Variants in TMEM167A observed in about 807,000 individuals in gnomAD.
TMEM167A encodes the protein protein kish-A.
A neutral mutation model predicts 11.6 loss-of-function variants in TMEM167A; 8 were observed. The ratio of observed to expected loss-of-function variants is 0.69; its 90% CI spans 0.40 to 1.24. The LOEUF (loss-of-function observed/expected upper bound fraction) is 1.24, where lower values mean the gene tolerates loss of function less well. Among genes scored for constraint, TMEM167A ranks in the 50% most tolerant of loss-of-function variants. TMEM167A has a pLI of 0.01. For missense variants in TMEM167A, 62 were observed against 87.0 expected, an observed-to-expected ratio of 0.71 and a Z score of 1.14; for synonymous variants, 22 against 28.0, an observed-to-expected ratio of 0.79 and a Z score of 0.67.
intron 3 of TMEM167A, among the ~76,000 whole-genome samples, chr5:83,060,171 A>G (rs1395538773): frequency 1.4e-5 from 2 of 138,390 alleles, no homozygotes; most frequent in Non-Finnish European, 3.2e-5. Flanking sequence ...AATAAAACAC[A>G]ATACTCTAAA....
chr5:83,058,323 C>CA (rs1333222899), intron 3 of TMEM167A, among the ~76,000 whole-genome samples: 7 of 151,864 alleles, frequency 4.6e-5, no homozygotes, highest in Non-Finnish European at 7.4e-5. Flanking sequence ...TATACACATA[C>CA]AAAAAAATAA....
intron 1 of TMEM167A, among the ~76,000 whole-genome samples, chr5:83,070,437 T>C (rs1030514418): frequency 6.6e-6 from 1 of 152,212 alleles, no homozygotes; most frequent in African/African-American, 2.4e-5. Context: ...TTGAAACAAC[T>C]AGTGTTATTG....
chr5:83,067,126 T>C (rs1744494616), intron 1 of TMEM167A, among the ~76,000 whole-genome samples: 1 of 152,166 alleles, frequency 6.6e-6, no homozygotes. Context: ...AAGGCAACAT[T>C]GTAAAGACAA....
chr5:83,052,891 C>G lies in TMEM167A; in HGVS notation c.*4193G>C, dbSNP rs1234276963. The stretch of plus-strand genomic sequence containing the variant: ...TTATTACACACTAGACATATATGAA[C>G]TAATCAGAGATGTGCATGATTCTCT... On this transcript the variant is annotated 3_prime_UTR_variant, in exon 4 of 4. Coordinates refer to ENST00000502346, the MANE Select transcript of TMEM167A (RefSeq NM_174909.5). 2.0e-5 allele frequency: 3 copies of G among 151,876 alleles called. No homozygotes were observed. The highest frequency in any genetic ancestry group is 4.8e-5 in the African/African-American group (2 of 41,378). 9.4% of individuals were successfully genotyped at this position (151,876 alleles called of 1,614,324 possible).
intron 2 of TMEM167A, among the ~76,000 whole-genome samples, chr5:83,063,728 G>A (rs1171996513): frequency 6.6e-6 from 1 of 151,696 alleles, no homozygotes; most frequent in Non-Finnish European, 1.5e-5. Context: ...CACGAACCCT[G>A]TTAGTTGATT....
At chr5:83,072,190 T>C (rs536675928) in intron 1 of TMEM167A, among the ~76,000 whole-genome samples, 22 of 152,204 alleles carry the variant, frequency 1.4e-4, no homozygotes, top group Admixed American at 9.8e-4. Context: ...CTATTTTATA[T>C]AAACCTCAGA....
chr5:83,063,234 GA>G (rs1307553656), intron 2 of TMEM167A, among the ~76,000 whole-genome samples: 1 of 152,082 alleles, frequency 6.6e-6, no homozygotes, highest in East Asian at 1.9e-4. Context: ...GCGTAACTGT[GA>G]GCAAGGTATT....
intron 2 of TMEM167A, among the ~76,000 whole-genome samples, chr5:83,063,400 G>A (rs757139189): frequency 2.0e-5 from 3 of 151,998 alleles, no homozygotes; most frequent in Non-Finnish European, 4.4e-5. Context: ...CTTAAAATTG[G>A]CTAACATTTC....
chr5:83,064,521 C>T (rs546515622), intron 2 of TMEM167A, among the ~76,000 whole-genome samples: 73 of 152,220 alleles, frequency 4.8e-4, no homozygotes, highest in Non-Finnish European at 8.7e-4. Flanking sequence ...TGCTTTAATT[C>T]TAAGTTTACA....
chr5:83,053,254 AGCG>A lies in TMEM167A; in HGVS notation c.*3827_*3829del, dbSNP rs1168657437. 4 of 151,992 alleles carry A rather than the reference AGCG, an allele frequency of 2.6e-5. No homozygotes were observed. The highest frequency in any genetic ancestry group is 1.3e-4 in the Admixed American group (2 of 15,208). The allele number at this position is 151,992 out of a possible 1,614,324, so 9.4% of individuals were successfully genotyped here. On this transcript the variant is annotated 3_prime_UTR_variant, in exon 4 of 4. Coordinates refer to ENST00000502346, the MANE Select transcript of TMEM167A (RefSeq NM_174909.5). ...GTAACTTCTCAAAGGCTTTGCAAAA[AGCG>A]TAAGTCCTTGCTTTTTGAGAATTTT...
rs1463183598 is a variant in TMEM167A at position 83,054,856 on chromosome 5, G to T, written c.*2228C>A. 6.6e-6 allele frequency: 1 copy of T among 151,838 alleles called. No homozygotes were observed. The highest frequency in any genetic ancestry group is 1.5e-5 in the Non-Finnish European group (1 of 67,884). 9.4% of individuals were successfully genotyped at this position (151,838 alleles called of 1,614,324 possible). A position where few individuals can be genotyped will look rare whatever the true frequency, so the allele number is the denominator to read the frequency against. ...AAAAGTTAAAAAAATAAAAGGGATA[G>T]TCTATCTGATGCTTAAATTGATCTT... On this transcript the variant is annotated 3_prime_UTR_variant, in exon 4 of 4. Coordinates refer to ENST00000502346, the MANE Select transcript of TMEM167A (RefSeq NM_174909.5).
intron 3 of TMEM167A, among the ~76,000 whole-genome samples, chr5:83,061,094 G>A (rs1169508608): frequency 1.3e-5 from 2 of 151,976 alleles, no homozygotes; most frequent in Admixed American, 6.6e-5. Flanking sequence ...ACTTTAACTC[G>A]AGTCAAACAG....
chr5:83,072,167 CT>C (rs1324151466), intron 1 of TMEM167A, among the ~76,000 whole-genome samples: 2 of 152,102 alleles, frequency 1.3e-5, no homozygotes, highest in African/African-American at 4.8e-5. Flanking sequence ...GTTTGTGCTG[CT>C]TTGTTTTGGA....
chr5:83,064,919 G>A, intron 2 of TMEM167A, 89 bp downstream of exon 2: 2 of 781,090 alleles, frequency 2.6e-6, no homozygotes, highest in Non-Finnish European at 4.1e-6. Context: ...TTACATGTAG[G>A]AATTAAATTA....
At chr5:83,062,850 C>CTTTTT (rs76736747) in intron 2 of TMEM167A, among the ~76,000 whole-genome samples, 84 of 139,114 alleles carry the variant, frequency 6.0e-4, no homozygotes, top group African/African-American at 1.8e-3. Context: ...TTATAGTATA[C>CTTTTT]TTTTTTTTTT....
intron 1 of TMEM167A, 69 bp downstream of exon 1, chr5:83,077,252 T>C (rs1407745965): frequency 1.1e-5 from 18 of 1,611,674 alleles, no homozygotes; most frequent in Admixed American, 1.7e-5. Context: ...CCGCACAAAC[T>C]CCAGCCCTAG....
rs1367820757 is a variant in TMEM167A at position 83,077,385 on chromosome 5, T to C, written c.-62A>G. 1 of 1,613,530 alleles carries C rather than the reference T, an allele frequency of 6.2e-7. No homozygotes were observed. Among genetic ancestry groups the C allele is most frequent in the South Asian group, 1.1e-5 (1 of 91,068 alleles). ...CGGGGCTCAGGCGGAAGAGGCTGCA[T>C]GTCCCGTCTGCCCTTCTCGCCCTCT... On this transcript the variant is annotated 5_prime_UTR_variant, in exon 1 of 4. The change abolishes an upstream ATG in the 5' untranslated region. Transcript: ENST00000502346.
intron 1 of TMEM167A, among the ~76,000 whole-genome samples, chr5:83,076,531 G>C (rs1312639972): frequency 6.6e-6 from 1 of 152,218 alleles, no homozygotes; most frequent in Admixed American, 6.5e-5. Context: ...TTCGTCCAGA[G>C]AAGAAAATGA....
chr5:83,061,779 C>A (rs1175894369), intron 3 of TMEM167A, 98 bp downstream of exon 3: 1 of 1,169,908 alleles, frequency 8.5e-7, no homozygotes, highest in Non-Finnish European at 1.3e-6. Context: ...GGGAAGCCTG[C>A]CCTTTAAAAA....
Sources: gnomAD v4.1 joint callset for allele counts (sites outside exome capture counted in the v4.1 genomes callset) on GRCh38, gnomAD v4.1.1 for gene constraint, MANE v1.5 for transcripts, NCBI Gene and HGNC (gene_info 2026-07-23, HGNC 2026-07-21) for gene names.